SMAD4: variants seen among roughly 807,000 people sequenced by gnomAD.
The protein encoded by SMAD4 is SMAD family member 4.
A neutral mutation model predicts 63.2 loss-of-function variants in SMAD4; 7 were observed. The observed-to-expected ratio is 0.11, with a 90% CI of 0.06 to 0.21. The LOEUF is 0.21. SMAD4 is among the 10% of genes least tolerant of loss of function. The pLI is 1.00. For synonymous variants in SMAD4, 215 were observed against 235.4 expected, an observed-to-expected ratio of 0.91 and a Z score of 0.79; for missense variants, 312 against 693.8, an observed-to-expected ratio of 0.45 and a Z score of 6.18.
chr18:51,039,744 C>A (rs1183395871), intron 1 of SMAD4, among the ~76,000 whole-genome samples: 1 of 152,080 alleles, frequency 6.6e-6, no homozygotes, highest in Non-Finnish European at 1.5e-5. Context: ...CTTCTTTTAA[C>A]AGCCTTTAAT....
At chr18:51,047,325 T>A (rs1457391223) in intron 2 of SMAD4, 30 bp downstream of exon 2, 1 of 1,604,760 alleles carries the variant, frequency 6.2e-7, no homozygotes. Context: ...TTCTATACCC[T>A]CTATGGTGGC....
chr18:51,044,319 CA>C (rs946183043), intron 1 of SMAD4, among the ~76,000 whole-genome samples: 5 of 152,240 alleles, frequency 3.3e-5, no homozygotes, highest in Non-Finnish European at 7.4e-5. Flanking sequence ...GAACCTCCTA[CA>C]TTTTTTTAGA....
At position 51,068,320 on chromosome 18, in the gene SMAD4, G is replaced by A. The variant is rs545197214; in HGVS notation, c.1308+1133G>A. On this transcript the variant is annotated intron_variant, in intron 10 of 11. Transcript: ENST00000342988. ...TATCAGCACTTTACCAATCTTTAAT[G>A]TGTTTCTCCCCCAACTTTTTTTTCC... Among the ~76,000 whole-genome samples the A allele has an allele frequency of 3.9e-4, 60 of 152,268 alleles. 1 individual carries two copies. Among genetic ancestry groups the A allele is most frequent in the Middle Eastern group, 6.8e-3 (2 of 294 alleles).
At chr18:51,070,564 A>G (rs1910290105) in intron 10 of SMAD4, among the ~76,000 whole-genome samples, 1 of 152,228 alleles carries the variant, frequency 6.6e-6, no homozygotes, top group Admixed American at 6.5e-5. Context: ...TTACAAGTAC[A>G]ACCCCATCCA....
rs773598775 is a variant in SMAD4, at chr18:51,065,469, G to T, written c.1002G>T (p.Gln334His). The change falls in exon 9 of 12, where the codon CAG becomes CAT. Residue 334 changes from glutamine to histidine, a missense_variant. Physicochemically the swap from Gln to His is conservative, Grantham distance 24 (BLOSUM62 0). This residue lies in a region of SMAD4 where 92 missense variants were observed against 305.9 expected (regional missense o/e 0.30). Coordinates refer to ENST00000342988, the MANE Select transcript of SMAD4 (RefSeq NM_005359.6). ...CSIAYFEMDV[Q>H]VGETFKVPSS... ...TTGCTTACTTTGAAATGGATGTTCA[G>T]GTAGGAGAGACATTTAAGGTTCCTT... The T allele has an allele frequency of 3.1e-6, 5 of 1,614,056 alleles. No homozygotes were observed. The highest frequency in any genetic ancestry group is 4.2e-6 in the Non-Finnish European group (5 of 1,179,930).
intron 5 of SMAD4, among the ~76,000 whole-genome samples, chr18:51,056,620 C>CAAAAAAA (rs74178610): frequency 1.0e-4 from 6 of 59,320 alleles, no homozygotes; most frequent in Admixed American, 2.3e-4. Flanking sequence ...ACTCCATCTC[C>CAAAAAAA]AAAAAAAAAA....
intron 1 of SMAD4, among the ~76,000 whole-genome samples, chr18:51,042,502 GCTGGGACTATAGGCATGTGCCAC>G (rs778894312): frequency 5.9e-5 from 9 of 151,464 alleles, no homozygotes; most frequent in Non-Finnish European, 1.2e-4. Context: ...CTTCTGAGTA[GCTGGGACTATAGGCATGTGCCAC>G]CATGCCCCAC....
chr18:51,057,528 C>A lies in SMAD4; in HGVS notation c.668-597C>A, dbSNP rs76944671. Among the ~76,000 whole-genome samples, 962 of 152,228 alleles carry A rather than the reference C, an allele frequency of 6.3e-3. 12 individuals are homozygous for A. Among genetic ancestry groups the A allele is most frequent in the African/African-American group, 0.022 (922 of 41,552 alleles). On this transcript the variant is annotated intron_variant, in intron 5 of 11. Transcript: ENST00000342988. ...GCTCTTGAAAAAATTTGAAAGTAGACTGATAGTTTTTTTGTTTGTTTTTAA... is the reference window on the plus strand; with the variant it reads ...GCTCTTGAAAAAATTTGAAAGTAGAATGATAGTTTTTTTGTTTGTTTTTAA...
chr18:51,067,221 TA>T, intron 10 of SMAD4, 34 bp downstream of exon 10: 2 of 1,203,948 alleles, frequency 1.7e-6, no homozygotes, highest in Admixed American at 1.7e-5. Context: ...ATTTTAGACT[TA>T]AAGCTCTATT....
In SMAD4 at chr18:51,069,979, A is replaced by G. The variant is rs565239636; in HGVS notation, c.1308+2792A>G. ...GTTTGGATGTATGGATTGTTTCCATATGAATTTCATGATCAGTTTGGAGAG... is the reference window on the plus strand; with the variant it reads ...GTTTGGATGTATGGATTGTTTCCATGTGAATTTCATGATCAGTTTGGAGAG... On this transcript the variant is annotated intron_variant, in intron 10 of 11. Coordinates refer to ENST00000342988, the MANE Select transcript of SMAD4 (RefSeq NM_005359.6). Among the ~76,000 whole-genome samples, 53 of 152,318 alleles carry G rather than the reference A, an allele frequency of 3.5e-4. 1 individual carries two copies. The South Asian group carries it at 0.011, about 30-fold the overall frequency.
intron 10 of SMAD4, among the ~76,000 whole-genome samples, chr18:51,071,265 TACAC>T (rs141566325): frequency 1.5e-4 from 23 of 150,738 alleles, no homozygotes; most frequent in South Asian, 6.3e-4. Flanking sequence ...TGCATGCACA[TACAC>T]ACACACACAC....
At chr18:51,065,150 CTT>C (rs1023363042) in intron 8 of SMAD4, among the ~76,000 whole-genome samples, 4 of 151,538 alleles carry the variant, frequency 2.6e-5, no homozygotes, top group Admixed American at 1.3e-4. Flanking sequence ...TAAAAAATGA[CTT>C]TTAGAACTTG....
intron 10 of SMAD4, among the ~76,000 whole-genome samples, chr18:51,073,380 TATATATATACACACAC>T (rs1342932448): frequency 3.4e-5 from 3 of 88,002 alleles, no homozygotes; most frequent in African/African-American, 8.3e-5. Flanking sequence ...TATATATATA[TATATATATACACACAC>T]ACACACACAC....
Position 51,065,715 on chromosome 18 carries a change from A to G in SMAD4, c.1139+109A>G, listed in dbSNP as rs117524466. The G allele has an allele frequency of 3.5e-3, 2,796 of 790,832 alleles. 17 individuals carry two copies. Among genetic ancestry groups the G allele is most frequent in the Non-Finnish European group, 4.1e-3 (2,105 of 512,168 alleles). The allele number at this position is 790,832 out of a possible 1,614,324, so 49.0% of individuals were successfully genotyped here. ...ACATTATATGTGTTCTTAAATATAA[A>G]TAAAGGAATAAAGGTCATGTTGAAA... On this transcript the variant is annotated intron_variant, in intron 9 of 11. Transcript: ENST00000342988.
intron 4 of SMAD4, chr18:51,051,436 T>G: frequency 2.2e-6 from 1 of 454,922 alleles, no homozygotes; most frequent in Non-Finnish European, 4.4e-6. Context: ...GTTAAGAAAA[T>G]GGGACAGTTC....
chr18:51,069,939 TTTTA>T (rs1410815946), intron 10 of SMAD4, among the ~76,000 whole-genome samples: 1 of 152,194 alleles, frequency 6.6e-6, no homozygotes, highest in Non-Finnish European at 1.5e-5. Flanking sequence ...CCACTGTGGG[TTTTA>T]TTTATCATCA....
intron 1 of SMAD4, among the ~76,000 whole-genome samples, chr18:51,035,507 T>A (rs1482395598): frequency 6.6e-6 from 1 of 152,078 alleles, no homozygotes; most frequent in Non-Finnish European, 1.5e-5. Context: ...TGAGACCTCA[T>A]CTCTAAAATA....
chr18:51,078,773 G>A lies in SMAD4; in HGVS notation c.*306G>A, dbSNP rs552459667. 10 of 367,688 alleles carry A rather than the reference G, an allele frequency of 2.7e-5. No individual in the cohort carries two copies. Among genetic ancestry groups the A allele is most frequent in the Non-Finnish European group, 4.0e-5 (8 of 201,306 alleles). The allele number at this position is 367,688 out of a possible 1,614,324, so 22.8% of individuals were successfully genotyped here. A position where few individuals can be genotyped will look rare whatever the true frequency, so the allele number is the denominator to read the frequency against. ...GCTAGAAAATTTAGCCCTTTAAAAC[G>A]TCTTAGAGCCTTTTATCTGCAGAAC... On this transcript the variant is annotated 3_prime_UTR_variant, in exon 12 of 12. Coordinates refer to ENST00000342988, the MANE Select transcript of SMAD4 (RefSeq NM_005359.6).
intron 1 of SMAD4, among the ~76,000 whole-genome samples, chr18:51,031,931 G>C (rs977102639): frequency 6.6e-6 from 1 of 152,014 alleles, no homozygotes; most frequent in African/African-American, 2.4e-5. Context: ...ATATTGGAAA[G>C]TTCTGATATG....
Sources: allele counts gnomAD v4.1 joint callset (sites outside exome capture counted in the v4.1 genomes callset), GRCh38; gene constraint gnomAD v4.1.1; regional missense constraint gnomAD v4.1.1; transcripts MANE v1.5; gene names NCBI Gene and HGNC (gene_info 2026-07-23, HGNC 2026-07-21).